The following KRABD3 variants were observed in gnomAD, a reference collection of about 807,000 sequenced individuals.
KRABD3 encodes KRAB domain-containing protein 3.
chr7:149,726,423 T>C, the KRABD3 span, among the ~76,000 whole-genome samples: 5 of 151,290 alleles, frequency 3.3e-5, no homozygotes, highest in Non-Finnish European at 5.9e-5. Flanking sequence ...ATAGTAAGAC[T>C]CCGTCTATAC....
chr7:149,722,756 C>G, the KRABD3 span: 1 of 1,582,146 alleles, frequency 6.3e-7, no homozygotes, highest in Non-Finnish European at 8.6e-7. Context: ...ACTGCACTGA[C>G]CCAGGCCCAC....
At chr7:149,724,592 G>T in the KRABD3 span, 1 of 1,299,138 alleles carries the variant, frequency 7.7e-7, no homozygotes, top group Non-Finnish European at 1.0e-6. Context: ...AAGGCCTCAA[G>T]GGATTCTCAG....
At chr7:149,733,062 T>A in the KRABD3 span, 1 of 956,720 alleles carries the variant, frequency 1.0e-6, no homozygotes, top group Non-Finnish European at 1.6e-6. Context: ...ATCTGCGTTC[T>A]CAGGCCTCAC....
At chr7:149,733,593 C>G in the KRABD3 span, 1 of 1,597,500 alleles carries the variant, frequency 6.3e-7, no homozygotes, top group Non-Finnish European at 8.5e-7. Flanking sequence ...CAGAAGGGAC[C>G]CACGAGGCCT....
chr7:149,724,739 A>G, the KRABD3 span: 1 of 1,555,862 alleles, frequency 6.4e-7, no homozygotes, highest in South Asian at 1.2e-5. Flanking sequence ...AGCTGGGTCC[A>G]GAGCCCCCCA....
the KRABD3 span, chr7:149,719,529 G>T: frequency 1.3e-6 from 2 of 1,553,128 alleles, no homozygotes; most frequent in East Asian, 4.8e-5. The surrounding 1 kb of genome is among the most constrained non-coding windows in gnomAD (Gnocchi z 5.6). Context: ...CAACCCCCCC[G>T]GAGACTGTGC....
chr7:149,720,988 A>C, the KRABD3 span: 8 of 1,613,324 alleles, frequency 5.0e-6, no homozygotes, highest in Non-Finnish European at 6.8e-6. Flanking sequence ...GCGAGCCCCG[A>C]GGGTAAGTCA....
At chr7:149,720,028 C>G in the KRABD3 span, 4 of 1,549,996 alleles carry the variant, frequency 2.6e-6, no homozygotes, top group Middle Eastern at 1.8e-4. Flanking sequence ...GCTGCTCCCC[C>G]TCTCTGCTTT....
At chr7:149,731,135 G>GGAGGAC in the KRABD3 span, among the ~76,000 whole-genome samples, 87 of 152,310 alleles carry the variant, frequency 5.7e-4, no homozygotes, top group African/African-American at 1.9e-3. Context: ...CAGGAGTGCT[G>GGAGGAC]GAGGACGAGG....
chr7:149,716,064 T>C, the KRABD3 span, among the ~76,000 whole-genome samples: 1 of 152,058 alleles, frequency 6.6e-6, no homozygotes, highest in Non-Finnish European at 1.5e-5. Flanking sequence ...TAGGTCACTG[T>C]AAGGTGGAGA....
the KRABD3 span, chr7:149,720,967 A>T: frequency 4.3e-6 from 7 of 1,613,526 alleles, no homozygotes; most frequent in East Asian, 2.2e-5. Context: ...GCCAGCCTGG[A>T]TGGAGAGAGA....
At chr7:149,723,608 G>C in the KRABD3 span, 4 of 890,158 alleles carry the variant, frequency 4.5e-6, no homozygotes, top group Admixed American at 5.6e-5. Context: ...AAGACTCAGC[G>C]AGCCACTGGA....
At chr7:149,718,173 A>G in the KRABD3 span, among the ~76,000 whole-genome samples, 2 of 152,106 alleles carry the variant, frequency 1.3e-5, 1 homozygote, top group Non-Finnish European at 2.9e-5. Context: ...TTGGGAGACC[A>G]ATGTGGGAGA....
chr7:149,725,177 C>T, the KRABD3 span: 2 of 857,352 alleles, frequency 2.3e-6, no homozygotes, highest in African/African-American at 3.4e-5. Context: ...AGAAGGGTTT[C>T]CTGCCTGGCA....
At chr7:149,722,286 T>C in the KRABD3 span, 1 of 1,200,500 alleles carries the variant, frequency 8.3e-7, no homozygotes. Context: ...AAAGAAACGG[T>C]AAAGGCCCTC....
chr7:149,733,946 C>T, the KRABD3 span: 12 of 1,598,860 alleles, frequency 7.5e-6, no homozygotes, highest in African/African-American at 4.0e-5. Context: ...GATCCCAGAG[C>T]GGCCCAAGGA....
chr7:149,715,755 C>T, the KRABD3 span, among the ~76,000 whole-genome samples: 3 of 152,188 alleles, frequency 2.0e-5, no homozygotes, highest in Non-Finnish European at 4.4e-5. Flanking sequence ...CTGTGCCAGG[C>T]CCTTGGCGTC....
chr7:149,725,338 C>A, the KRABD3 span: 1 of 1,596,850 alleles, frequency 6.3e-7, no homozygotes, highest in Admixed American at 1.7e-5. Context: ...AAGCTCACCG[C>A]TGGAAGCCCT....
chr7:149,723,865 G>T, the KRABD3 span: 1 of 1,613,776 alleles, frequency 6.2e-7, no homozygotes, highest in Non-Finnish European at 8.5e-7. Flanking sequence ...GGAGAATCCA[G>T]GAGCCTGGAA....
Sources: gnomAD v4.1 joint callset for allele counts (sites outside exome capture counted in the v4.1 genomes callset) on GRCh38, gnomAD v4.1.1 for gene constraint, Gnocchi (gnomAD v3.1) non-coding constraint, MANE v1.5 for transcripts, NCBI Gene and HGNC (gene_info 2026-07-23, HGNC 2026-07-21) for gene names.